Variants in OPHN1 observed in about 807,000 individuals in gnomAD.
The protein encoded by OPHN1 is oligophrenin 1, also known as oligophrenin-1.
A neutral mutation model predicts 60.7 loss-of-function variants in OPHN1; 11 were observed. That is an observed-to-expected ratio of 0.18 (90% CI 0.11 to 0.30). The LOEUF (loss-of-function observed/expected upper bound fraction) is 0.30, where lower values mean the gene tolerates loss of function less well. OPHN1 is among the 10% of genes least tolerant of loss of function. The pLI is 1.00. For missense variants in OPHN1, 449 were observed against 611.0 expected (o/e 0.73, Z 2.80); for synonymous variants, 226 against 222.6 (o/e 1.02, Z -0.14).
chrX:68,408,597 G>A (rs1035562738), intron 2 of OPHN1, among the ~76,000 whole-genome samples: 9 of 112,653 alleles, frequency 8.0e-5, no homozygotes, highest in Non-Finnish European at 1.5e-4. Flanking sequence ...CAAATGTCCA[G>A]TAGTATTAAC....
chrX:68,309,711 CT>C (rs1444117181), intron 2 of OPHN1, among the ~76,000 whole-genome samples: 1 of 112,141 alleles, frequency 8.9e-6, no homozygotes, highest in Non-Finnish European at 1.9e-5. Flanking sequence ...GGGATACTGC[CT>C]TCTTGTTTCA....
At chrX:68,396,517 T>C (rs1475747725) in intron 2 of OPHN1, among the ~76,000 whole-genome samples, 1 of 109,402 alleles carries the variant, frequency 9.1e-6, no homozygotes, top group Non-Finnish European at 1.9e-5. Flanking sequence ...TCCTTGACTC[T>C]GAATACGAAT....
chrX:68,172,165 C>A (rs1333837071), intron 15 of OPHN1, among the ~76,000 whole-genome samples: 1 of 111,988 alleles, frequency 8.9e-6, no homozygotes, highest in African/African-American at 3.2e-5. Context: ...AAGACTTGAA[C>A]AAAAGTATTC....
At chrX:68,135,151 TAG>T (rs2077214030) in intron 15 of OPHN1, among the ~76,000 whole-genome samples, 2 of 111,713 alleles carry the variant, frequency 1.8e-5, no homozygotes, top group Non-Finnish European at 3.8e-5. Flanking sequence ...TCAGATGGCT[TAG>T]AGAAATTTCT....
chrX:68,095,169 G>C lies in OPHN1; in HGVS notation c.1686+1701C>G, dbSNP rs761992201. On this transcript the variant is annotated intron_variant, in intron 19 of 24. Transcript: ENST00000355520. Reference sequence around the variant, plus strand: ...ATAAACTCTATGAAGATGATATCTAGAGTTCCTGAAACAGTACCTGGCATA... The same window carrying C: ...ATAAACTCTATGAAGATGATATCTACAGTTCCTGAAACAGTACCTGGCATA... Among the ~76,000 whole-genome samples the C allele has an allele frequency of 2.7e-5, 3 of 111,615 alleles. No homozygotes were observed. In the South Asian group the frequency reaches 1.1e-3, roughly 41 times the overall value.
Position 68,073,361 on chromosome X carries a change from C to A in OPHN1, c.1687-62G>T. 3 of 1,031,528 alleles carry A rather than the reference C, an allele frequency of 2.9e-6. No individual in the cohort carries two copies. In the East Asian group the frequency reaches 9.1e-5, roughly 31 times the overall value. 85.0% of individuals were successfully genotyped at this position (1,031,528 alleles called of 1,213,427 possible). On this transcript the variant is annotated intron_variant, in intron 19 of 24. Coordinates refer to ENST00000355520, the MANE Select transcript of OPHN1 (RefSeq NM_002547.3). Reference sequence around the variant, plus strand: ...AGATCAAGTTTTTGTCTTCTGAATGCTACCCACCAGTTGATGCTTGTTGGC... The same window carrying A: ...AGATCAAGTTTTTGTCTTCTGAATGATACCCACCAGTTGATGCTTGTTGGC...
At chrX:68,209,926 A>G in intron 9 of OPHN1, 1 of 411,773 alleles carries the variant, frequency 2.4e-6, no homozygotes, top group Admixed American at 4.1e-5. Context: ...AATCTCAGAG[A>G]AAACCTTAGG....
At chrX:68,367,221 G>C (rs956505125) in intron 2 of OPHN1, among the ~76,000 whole-genome samples, 1 of 109,403 alleles carries the variant, frequency 9.1e-6, no homozygotes, top group African/African-American at 3.3e-5. Flanking sequence ...GGGTGTGCTG[G>C]TGTGCACCTG....
At chrX:68,172,409 C>T (rs1027185535) in intron 15 of OPHN1, among the ~76,000 whole-genome samples, 34 of 111,375 alleles carry the variant, frequency 3.1e-4, no homozygotes, top group African/African-American at 1.1e-3. Context: ...CCAGAAAAGG[C>T]AAATTTGTGG....
At chrX:68,284,255 C>T (rs773806489) in intron 3 of OPHN1, among the ~76,000 whole-genome samples, 1 of 110,571 alleles carries the variant, frequency 9.0e-6, no homozygotes, top group East Asian at 2.9e-4. Flanking sequence ...TTAATTGTGA[C>T]AATATCTTTA....
rs759948505 is a variant in OPHN1, at chrX:68,410,185, A to T, written c.154+22682T>A. On this transcript the variant is annotated intron_variant, in intron 2 of 24. Transcript: ENST00000355520. The stretch of plus-strand genomic sequence containing the variant: ...GCAATTACACTACTGGATATATCTC[A>T]GTCCATTTCTGATGCTATAACAAAT... 8.9e-5 allele frequency among the ~76,000 whole-genome samples: 10 copies of T among 112,229 alleles called. No homozygotes were observed. The South Asian group carries it at 2.6e-3, about 29-fold the overall frequency.
chrX:68,378,386 G>C lies in OPHN1; in HGVS notation c.154+54481C>G, dbSNP rs185630000. Among the ~76,000 whole-genome samples the C allele has an allele frequency of 1.3e-4, 14 of 111,612 alleles. No homozygotes were observed. In the East Asian group the frequency reaches 3.9e-3, roughly 31 times the overall value. On this transcript the variant is annotated intron_variant, in intron 2 of 24. Coordinates refer to ENST00000355520, the MANE Select transcript of OPHN1 (RefSeq NM_002547.3). ...TTTTCTCCCATTTTGTAGGTTGCCTGTTCAATCTGATGGTAGTTTCTTTTG... is the reference window on the plus strand; with the variant it reads ...TTTTCTCCCATTTTGTAGGTTGCCTCTTCAATCTGATGGTAGTTTCTTTTG...
intron 3 of OPHN1, among the ~76,000 whole-genome samples, chrX:68,286,379 C>A (rs1438342635): frequency 9.0e-6 from 1 of 111,582 alleles, no homozygotes; most frequent in African/African-American, 3.3e-5. Flanking sequence ...GTGGGGTGTG[C>A]CTTCAACATT....
chrX:68,410,707 T>C (rs1461816778), intron 2 of OPHN1, among the ~76,000 whole-genome samples: 4 of 111,385 alleles, frequency 3.6e-5, no homozygotes, highest in Non-Finnish European at 7.5e-5. Flanking sequence ...TTCCTAATAC[T>C]GTTGCATTGG....
At chrX:68,184,540 A>G (rs891135015) in intron 15 of OPHN1, among the ~76,000 whole-genome samples, 1 of 109,833 alleles carries the variant, frequency 9.1e-6, no homozygotes, top group Non-Finnish European at 1.9e-5. Flanking sequence ...AAAAAAAAAA[A>G]GGAAGGGGTG....
intron 17 of OPHN1, 102 bp from the exon 18 acceptor site, chrX:68,112,061 G>GCACACACACACACACGCA (rs1555938780): frequency 1.8e-5 from 7 of 389,588 alleles, no homozygotes; most frequent in Admixed American, 7.3e-5. Flanking sequence ...ATGCACACAT[G>GCACACACACACACACGCA]CACACACACA....
At chrX:68,211,071 G>C (rs2077582416) in intron 8 of OPHN1, among the ~76,000 whole-genome samples, 1 of 111,151 alleles carries the variant, frequency 9.0e-6, no homozygotes, top group African/African-American at 3.3e-5. Context: ...GGATTAACTT[G>C]GTTGTAGTAG....
intron 23 of OPHN1, 137 bp downstream of exon 23, chrX:68,052,403 G>A (rs1208675304): frequency 1.5e-5 from 9 of 581,748 alleles, no homozygotes; most frequent in Admixed American, 1.3e-4. Flanking sequence ...ACAGAATTGG[G>A]GAAGAGAAAG....
In OPHN1 at chrX:68,060,429, A is replaced by G. The variant is rs752489475; in HGVS notation, c.2158+3425T>C. On this transcript the variant is annotated intron_variant, in intron 21 of 24. Coordinates refer to ENST00000355520, the MANE Select transcript of OPHN1 (RefSeq NM_002547.3). ...ATCTATAAAAAGGGGAGGGTAAATC[A>G]TACCTCACAAGGCCTATCACAATGA... Among the ~76,000 whole-genome samples, 10 of 111,384 alleles carry G rather than the reference A, an allele frequency of 9.0e-5. No individual in the cohort carries two copies. In the East Asian group the frequency reaches 2.6e-3, roughly 28 times the overall value.
Sources: allele counts gnomAD v4.1 joint callset (sites outside exome capture counted in the v4.1 genomes callset), GRCh38; gene constraint gnomAD v4.1.1; transcripts MANE v1.5; gene names NCBI Gene and HGNC (gene_info 2026-07-23, HGNC 2026-07-21).